The following ALDH3A2 variants were observed in gnomAD, a reference collection of about 807,000 sequenced individuals.
ALDH3A2 encodes aldehyde dehydrogenase family 3 member A2.
ALDH3A2 carries 36 observed loss-of-function variants against 51.3 expected under a neutral mutation model. That is an observed-to-expected ratio of 0.70 (90% CI 0.54 to 0.93). The LOEUF is 0.93. Ranked by LOEUF, ALDH3A2 falls within the 40% of genes least tolerant of loss-of-function variation. The probability of loss-of-function intolerance (pLI) is 0.00; values close to 1 mark genes in which losing one functional copy is unlikely to be tolerated. For missense variants in ALDH3A2, 552 were observed against 603.1 expected (o/e 0.92, Z 0.89); for synonymous variants, 199 against 219.8 (o/e 0.91, Z 0.84).
Position 19,654,315 on chromosome 17 carries a change from C to T in ALDH3A2, c.471+1683C>T, listed in dbSNP as rs1057458733. ...ATCAGTCCAGCGCTGCGCGCCTGCA[C>T]CCCTCAGCCCTTGGGCGGTCGATGG... On this transcript the variant is annotated intron_variant, in intron 3 of 9. Transcript: ENST00000176643. The surrounding 1 kb of genome is among the most constrained non-coding windows in gnomAD (Gnocchi z 4.5). Among the ~76,000 whole-genome samples, 1 of 152,272 alleles carries T rather than the reference C, an allele frequency of 6.6e-6. No individual in the cohort carries two copies. Among genetic ancestry groups the T allele is most frequent in the Non-Finnish European group, 1.5e-5 (1 of 68,050 alleles).
intron 1 of ALDH3A2, 170 bp downstream of exon 1, chr17:19,649,294 C>T: frequency 1.2e-6 from 1 of 860,616 alleles, no homozygotes; most frequent in Non-Finnish European, 1.7e-6. Flanking sequence ...CTTTCCCGGT[C>T]CTCTAGCACT....
chr17:19,652,629 C>A lies in ALDH3A2; in HGVS notation c.468C>A (p.Asp156Glu). ...ILAKLLPQYL[D>E]QDLYIVINGG... ...CAAAGCTTCTCCCTCAGTATTTAGA[C>A]CAGGTAAGAATTTCTTGACTCATCT... Residue 156 changes from aspartate to glutamate, a missense_variant, in exon 3 of 10, where the codon GAC (aspartate) becomes GAA (glutamate). Coordinates refer to ENST00000176643, the MANE Select transcript of ALDH3A2 (RefSeq NM_000382.3). The A allele has an allele frequency of 6.2e-7, 1 of 1,610,754 alleles. No homozygotes were observed.
intron 8 of ALDH3A2, among the ~76,000 whole-genome samples, chr17:19,670,603 C>T (rs1375636849): frequency 1.3e-5 from 2 of 151,136 alleles, no homozygotes; most frequent in Non-Finnish European, 1.5e-5. Flanking sequence ...CGCTCTGTCG[C>T]CCAGGCTGGA....
In ALDH3A2 at chr17:19,654,115, A is replaced by G. The variant is rs1232851632; in HGVS notation, c.471+1483A>G. Among the ~76,000 whole-genome samples, 1 of 152,188 alleles carries G rather than the reference A, an allele frequency of 6.6e-6. No homozygotes were observed. The highest frequency in any genetic ancestry group is 1.5e-5 in the Non-Finnish European group (1 of 68,030). ...TCTCCAAATCCCCACCAGATTAGCT[A>G]GATACAGAGTGCTGATTGGTGCATC... is the stretch of plus-strand genomic sequence containing the variant. On this transcript the variant is annotated intron_variant, in intron 3 of 9. Transcript: ENST00000176643. This position sits in a 1 kb window ranked among gnomAD's most constrained non-coding sequence, Gnocchi z 4.5.
intron 9 of ALDH3A2, chr17:19,675,200 G>T (rs1215107620): frequency 1.8e-5 from 4 of 222,608 alleles, no homozygotes; most frequent in East Asian, 1.1e-4. Flanking sequence ...ACCAGTTTTT[G>T]AATTCCATGT....
chr17:19,668,374 A>G (rs905595663), intron 8 of ALDH3A2, among the ~76,000 whole-genome samples: 1 of 151,952 alleles, frequency 6.6e-6, no homozygotes, highest in Non-Finnish European at 1.5e-5. Context: ...CAACCTCCCA[A>G]GTAGCTGGGA....
chr17:19,665,478 C>T (rs576658526), intron 8 of ALDH3A2, among the ~76,000 whole-genome samples: 2 of 151,902 alleles, frequency 1.3e-5, no homozygotes, highest in South Asian at 4.2e-4. Context: ...GAGGGGTTTT[C>T]TAATGTGCCT....
chr17:19,671,080 A>G (rs1284418425), intron 8 of ALDH3A2, among the ~76,000 whole-genome samples: 1 of 152,220 alleles, frequency 6.6e-6, no homozygotes, highest in Non-Finnish European at 1.5e-5. Flanking sequence ...TCTGTTGTAC[A>G]CACAATGAAT....
intron 9 of ALDH3A2, 36 bp downstream of exon 9, chr17:19,671,992 G>A: frequency 6.4e-7 from 1 of 1,566,160 alleles, no homozygotes; most frequent in Non-Finnish European, 8.8e-7. Flanking sequence ...CATTCAGTCT[G>A]GTCCTGGCCT....
At chr17:19,649,369 TTC>T in intron 1 of ALDH3A2, 2 of 530,084 alleles carry the variant, frequency 3.8e-6, no homozygotes, top group Non-Finnish European at 6.6e-6. Context: ...TTGTCCATTT[TTC>T]TGTTACATTT....
At chr17:19,669,845 G>A (rs1349552638) in intron 8 of ALDH3A2, among the ~76,000 whole-genome samples, 4 of 152,084 alleles carry the variant, frequency 2.6e-5, no homozygotes, top group Non-Finnish European at 2.9e-5. Context: ...TCACTGTGTT[G>A]CCCAGGCTGG....
intron 1 of ALDH3A2, among the ~76,000 whole-genome samples, chr17:19,650,403 T>G (rs1273559599): frequency 1.3e-5 from 2 of 151,970 alleles, no homozygotes; most frequent in Non-Finnish European, 2.9e-5. Flanking sequence ...TGCCCCAACC[T>G]CCCAGATACT....
intron 3 of ALDH3A2, among the ~76,000 whole-genome samples, chr17:19,653,279 A>G (rs1483225021): frequency 3.3e-5 from 5 of 152,066 alleles, no homozygotes; most frequent in Non-Finnish European, 5.9e-5. Flanking sequence ...TCCTGACCTC[A>G]GGTGATCCGC....
chr17:19,656,814 A>G (rs1404699399), intron 4 of ALDH3A2, among the ~76,000 whole-genome samples: 2 of 152,174 alleles, frequency 1.3e-5, no homozygotes, highest in African/African-American at 4.8e-5. Context: ...TAAAAAAGTT[A>G]TATCTGTTCT....
At chr17:19,657,900 A>G (rs1465329054) in intron 5 of ALDH3A2, 38 bp downstream of exon 5, 2 of 1,489,394 alleles carry the variant, frequency 1.3e-6, no homozygotes, top group South Asian at 2.3e-5. Flanking sequence ...TGATTTTAAT[A>G]AGATAAGGAG....
At position 19,649,093 on chromosome 17, in the gene ALDH3A2, T is replaced by C. The variant is rs1205710922; in HGVS notation, c.122T>C (p.Ile41Thr). ...ATGGTGCAGGAGCGCGAGAAGGATATCCTGACGGCCATCGCCGCCGACCTG... is the reference window on the plus strand; with the variant it reads ...ATGGTGCAGGAGCGCGAGAAGGATACCCTGACGGCCATCGCCGCCGACCTG... ...RRMVQEREKD[I>T]LTAIAADLCK... is the part of the protein sequence containing the mutation. Residue 41 changes from isoleucine to threonine, a missense_variant, in exon 1 of 10, where the codon ATC becomes ACC. Ile to Thr is a moderately conservative substitution (Grantham distance 89). Coordinates refer to ENST00000176643, the MANE Select transcript of ALDH3A2 (RefSeq NM_000382.3). 6.3e-7 allele frequency: 1 copy of C among 1,581,340 alleles called. No homozygotes were observed. The highest frequency in any genetic ancestry group is 8.6e-7 in the Non-Finnish European group (1 of 1,164,276).
At chr17:19,657,599 A>G in intron 4 of ALDH3A2, 146 bp from the exon 5 acceptor site, 1 of 703,562 alleles carries the variant, frequency 1.4e-6, no homozygotes, top group Non-Finnish European at 2.5e-6. Flanking sequence ...CTGATTTAGA[A>G]ATGAGTTTTT....
rs747509980 is a variant in ALDH3A2, at chr17:19,671,751, A to G, written c.1238A>G (p.Lys413Arg). Reference protein sequence around the residue: ...GSSGMGAYHGKHSFDTFSHQR... With the variant: ...GSSGMGAYHGRHSFDTFSHQR... ...AGTGGGATGGGAGCTTATCACGGAA[A>G]ACATAGTTTTGATACTTTTTCTCAT... is the stretch of plus-strand genomic sequence containing the variant. Residue 413 changes from lysine (K) to arginine (R), a missense_variant, in exon 9 of 10, where the codon AAA (lysine) becomes AGA (arginine). Physicochemically the swap from Lys to Arg is conservative, Grantham distance 26. Transcript: ENST00000176643. 6.2e-7 allele frequency: 1 copy of G among 1,614,172 alleles called. No individual in the cohort carries two copies. The highest frequency in any genetic ancestry group is 1.1e-5 in the South Asian group (1 of 91,070).
At chr17:19,650,584 G>C (rs1390970227) in intron 1 of ALDH3A2, among the ~76,000 whole-genome samples, 3 of 152,082 alleles carry the variant, frequency 2.0e-5, no homozygotes, top group East Asian at 3.9e-4. Context: ...CTCCCAAGTA[G>C]CTGGGACTAC....
Sources: gnomAD v4.1 joint callset for allele counts (sites outside exome capture counted in the v4.1 genomes callset) on GRCh38, gnomAD v4.1.1 for gene constraint, Gnocchi (gnomAD v3.1) non-coding constraint, MANE v1.5 for transcripts, NCBI Gene and HGNC (gene_info 2026-07-23, HGNC 2026-07-21) for gene names.